The following EVC variants were observed in gnomAD, a reference collection of about 807,000 sequenced individuals.
The protein encoded by EVC is evC complex member EVC.
In EVC, 116 loss-of-function variants were observed where a neutral mutation model predicts 118.9. The ratio of observed to expected loss-of-function variants is 0.98; its 90% confidence interval spans 0.84 to 1.14. The LOEUF (loss-of-function observed/expected upper bound fraction) is 1.14. EVC is among the 50% of genes most tolerant of loss of function. The pLI is 0.00. For synonymous variants in EVC, 619 were observed against 534.7 expected (o/e 1.16, Z -2.18); for missense variants, 1,401 against 1,246.4 (o/e 1.12, Z -1.87).
chr4:5,758,100 G>A, intron 11 of EVC: 1 of 702,474 alleles, frequency 1.4e-6, no homozygotes, highest in Admixed American at 2.0e-5. Flanking sequence ...AGAAGACATA[G>A]AGACACAGGG....
At chr4:5,828,398 T>C in the EVC span, 1 of 1,505,586 alleles carries the variant, frequency 6.6e-7, no homozygotes, top group Non-Finnish European at 8.9e-7. Flanking sequence ...GATGACATTA[T>C]TAACTCTGCA....
rs1223031221 is a variant in EVC at position 5,719,301 on chromosome 4, C to G, written c.228C>G (p.Pro76=). Residue 76 remains proline, a synonymous_variant, in exon 2 of 21, where the codon CCC becomes CCG. Transcript: ENST00000264956. This position sits in a 1 kb window ranked among gnomAD's most constrained non-coding sequence, Gnocchi z 4.7. The part of the protein sequence containing the change: ...LKNLESNAQT[P]SETGSPSRRR... ...ATTTGGAGTCTAATGCGCAGACCCC[C>G]TCGGAAACTGGCTCCCCATCAAGGA... is the stretch of plus-strand genomic sequence containing the variant. The G allele has an allele frequency of 1.2e-6, 2 of 1,614,180 alleles. No individual in the cohort carries two copies. Among genetic ancestry groups the G allele is most frequent in the African/African-American group, 1.3e-5 (1 of 75,040 alleles).
At chr4:5,790,906 C>A (rs1316517822) in intron 12 of EVC, among the ~76,000 whole-genome samples, 1 of 152,074 alleles carries the variant, frequency 6.6e-6, no homozygotes, top group Non-Finnish European at 1.5e-5. Context: ...CCAGCCTGTC[C>A]AACATGGTGA....
intron 8 of EVC, among the ~76,000 whole-genome samples, chr4:5,750,652 G>A (rs1377885379): frequency 1.3e-5 from 2 of 152,184 alleles, no homozygotes; most frequent in African/African-American, 2.4e-5. Flanking sequence ...TCACAGGGTA[G>A]TTGAGGGTGT....
At chr4:5,773,948 GC>G (rs1327744593) in intron 11 of EVC, among the ~76,000 whole-genome samples, 3 of 152,088 alleles carry the variant, frequency 2.0e-5, no homozygotes, top group African/African-American at 7.2e-5. Flanking sequence ...TCTCCCAGGG[GC>G]CAGACCATGT....
intron 12 of EVC, among the ~76,000 whole-genome samples, chr4:5,787,227 AG>A (rs1711834354): frequency 6.6e-6 from 1 of 152,248 alleles, no homozygotes; most frequent in Non-Finnish European, 1.5e-5. Context: ...CCCTTGCGGT[AG>A]GCAGCTATAA....
the EVC span, chr4:5,821,883 G>C: frequency 1.3e-6 from 2 of 1,514,490 alleles, no homozygotes; most frequent in Non-Finnish European, 1.8e-6. This position sits in a 1 kb window ranked among gnomAD's most constrained non-coding sequence, Gnocchi z 4.4. Flanking sequence ...TGCTGGATGG[G>C]ATCTGTTAGC....
At position 5,737,705 on chromosome 4, in the gene EVC, C is replaced by CT. The variant is rs576867937; in HGVS notation, c.703-4010dup. On this transcript the variant is annotated intron_variant, in intron 5 of 20. Transcript: ENST00000264956. This position sits in a 1 kb window ranked among gnomAD's most constrained non-coding sequence, Gnocchi z 5.0. ...CTGTTTATAGCATAGTTTAAGCCCACTATTGACACCTACTGCCCAGAAAAT... is the reference window on the plus strand; with the variant it reads ...CTGTTTATAGCATAGTTTAAGCCCACTTATTGACACCTACTGCCCAGAAAAT... 3.5e-4 allele frequency among the ~76,000 whole-genome samples: 54 copies of CT among 152,210 alleles called. No homozygotes were observed. The East Asian group carries it at 0.01, about 29-fold the overall frequency.
chr4:5,746,371 G>A lies in EVC; in HGVS notation c.939+1030G>A, dbSNP rs1285347862. On this transcript the variant is annotated intron_variant, in intron 7 of 20. Coordinates refer to ENST00000264956, the MANE Select transcript of EVC (RefSeq NM_153717.3). This position sits in a 1 kb window ranked among gnomAD's most constrained non-coding sequence, Gnocchi z 5.8. The stretch of plus-strand genomic sequence containing the variant: ...GGAAACGTGTGAGAGAAGCTGTGGT[G>A]GTCTACCATGGGGCGGCAGGTGGGG... Among the ~76,000 whole-genome samples the A allele has an allele frequency of 6.6e-6, 1 of 152,210 alleles. No individual in the cohort carries two copies. Among genetic ancestry groups the A allele is most frequent in the Non-Finnish European group, 1.5e-5 (1 of 68,036 alleles).
At chr4:5,752,605 G>A in intron 8 of EVC, 3 of 607,498 alleles carry the variant, frequency 4.9e-6, no homozygotes, top group Non-Finnish European at 5.9e-6. Context: ...GTGCCTACAT[G>A]CTAAGCTGCG....
At chr4:5,822,072 A>C in the EVC span, among the ~76,000 whole-genome samples, 1 of 152,162 alleles carries the variant, frequency 6.6e-6, no homozygotes, top group East Asian at 1.9e-4. Context: ...AGCCCTGACC[A>C]CCTTGTGGTG....
intron 11 of EVC, among the ~76,000 whole-genome samples, chr4:5,760,049 G>C (rs1433669733): frequency 6.6e-6 from 1 of 152,058 alleles, no homozygotes; most frequent in African/African-American, 2.4e-5. Flanking sequence ...GCATTCTTTT[G>C]AGTTTCTGAT....
intron 11 of EVC, chr4:5,758,129 CAGAA>C (rs1303136358): frequency 1.4e-6 from 1 of 702,216 alleles, no homozygotes; most frequent in African/African-American, 1.7e-5. Context: ...TGTTTGAAGA[CAGAA>C]GGAGGGACTG....
At chr4:5,717,303 A>G (rs1724129698) in intron 1 of EVC, among the ~76,000 whole-genome samples, 1 of 151,912 alleles carries the variant, frequency 6.6e-6, no homozygotes, top group African/African-American at 2.4e-5. Context: ...ACCTTCTCTG[A>G]TCTCTCTGAT....
intron 13 of EVC, among the ~76,000 whole-genome samples, chr4:5,796,321 T>C (rs998728108): frequency 1.3e-5 from 2 of 152,204 alleles, no homozygotes; most frequent in Non-Finnish European, 2.9e-5. Context: ...TAGTTAATTC[T>C]CGTCTGGGTA....
intron 15 of EVC, 76 bp from the exon 16 acceptor site, chr4:5,801,859 CCAGGGCATGGGGAGG>C: frequency 6.9e-7 from 1 of 1,454,746 alleles, no homozygotes; most frequent in Non-Finnish European, 9.5e-7. Flanking sequence ...AAGATCTGAA[CCAGGGCATGGGGAGG>C]CAGGGACTGG....
chr4:5,716,106 A>G (rs1390054046), intron 1 of EVC, among the ~76,000 whole-genome samples: 1 of 152,204 alleles, frequency 6.6e-6, no homozygotes. Flanking sequence ...GTAAGACCAG[A>G]TAGCGACACT....
intron 11 of EVC, among the ~76,000 whole-genome samples, chr4:5,760,516 G>A (rs933748287): frequency 2.0e-5 from 3 of 152,072 alleles, no homozygotes; most frequent in African/African-American, 7.3e-5. Context: ...GTGGAGATGG[G>A]TGTGAAATTC....
chr4:5,822,430 T>C, the EVC span, among the ~76,000 whole-genome samples: 1 of 145,880 alleles, frequency 6.9e-6, no homozygotes, highest in Admixed American at 6.8e-5. Context: ...CATATGTGTG[T>C]GCATGTGCAT....
Sources: gnomAD v4.1 joint callset for allele counts (sites outside exome capture counted in the v4.1 genomes callset) on GRCh38, gnomAD v4.1.1 for gene constraint, Gnocchi (gnomAD v3.1) non-coding constraint, MANE v1.5 for transcripts, NCBI Gene and HGNC (gene_info 2026-07-23, HGNC 2026-07-21) for gene names.